Variants in TNNI3K observed in about 807,000 individuals in gnomAD.
The protein encoded by TNNI3K is serine/threonine-protein kinase TNNI3K.
In TNNI3K, 140 loss-of-function variants were observed where a neutral mutation model predicts 114.5. That is an observed-to-expected ratio of 1.22 (90% CI 1.07 to 1.41). The LOEUF is 1.41. Among genes scored for constraint, TNNI3K ranks in the 40% most tolerant of loss-of-function variants. The probability of loss-of-function intolerance (pLI) is 0.00; values close to 1 mark genes in which losing one functional copy is unlikely to be tolerated. For synonymous variants in TNNI3K, 347 were observed against 347.5 expected (o/e 1.00, Z 0.02); for missense variants, 1,125 against 1,007.6 (o/e 1.12, Z -1.58).
intron 21 of TNNI3K, chr1:74,480,702 G>A: frequency 1.4e-6 from 1 of 717,400 alleles, no homozygotes; most frequent in Non-Finnish European, 2.6e-6. Flanking sequence ...AGGGTGCGGA[G>A]AGCATTATTG....
intron 5 of TNNI3K, among the ~76,000 whole-genome samples, chr1:74,327,916 A>G (rs1238961711): frequency 6.6e-6 from 1 of 151,372 alleles, no homozygotes. Flanking sequence ...TCATGACCAT[A>G]TAGTCTCACA....
intron 21 of TNNI3K, among the ~76,000 whole-genome samples, chr1:74,477,605 C>T (rs1480210966): frequency 1.3e-5 from 2 of 152,104 alleles, no homozygotes; most frequent in Admixed American, 1.3e-4. Context: ...TGAGAGTAAA[C>T]ATAATTTGAT....
chr1:74,475,755 T>C (rs1206638005), intron 21 of TNNI3K: 12 of 645,892 alleles, frequency 1.9e-5, no homozygotes, highest in Non-Finnish European at 3.1e-5. Flanking sequence ...TTGCTTTGCC[T>C]TGGTGGAGTT....
chr1:74,495,362 T>C (rs1273718048), intron 23 of TNNI3K, among the ~76,000 whole-genome samples: 2 of 152,228 alleles, frequency 1.3e-5, no homozygotes, highest in African/African-American at 4.8e-5. Flanking sequence ...GTATGTTCTA[T>C]TCATTACTGT....
In TNNI3K at chr1:74,317,823, T is replaced by G. The variant is rs115713083; in HGVS notation, c.445-13627T>G. 5.3e-3 allele frequency among the ~76,000 whole-genome samples: 807 copies of G among 152,342 alleles called. 11 individuals are homozygous for G. Among genetic ancestry groups the G allele is most frequent in the African/African-American group, 0.019 (782 of 41,574 alleles). ...GCACTGTTGCCACTAATTGTCTCTGTTGGTCCATTTCCCAATCAGTAGTAG... is the reference window on the plus strand; with the variant it reads ...GCACTGTTGCCACTAATTGTCTCTGGTGGTCCATTTCCCAATCAGTAGTAG... On this transcript the variant is annotated intron_variant, in intron 5 of 24. Transcript: ENST00000326637.
At position 74,369,201 on chromosome 1, in the gene TNNI3K, T is replaced by C. The variant is rs1160047645; in HGVS notation, c.1415-6T>C. 8.7e-6 allele frequency: 14 copies of C among 1,609,168 alleles called. No homozygotes were observed. The East Asian group carries it at 2.9e-4, about 33-fold the overall frequency. Reference sequence around the variant, plus strand: ...GTGTTTATTTATTTATTTTAAACAATTGTAGGTTCTTTTGGGAAAGTATAT... The same window carrying C: ...GTGTTTATTTATTTATTTTAAACAACTGTAGGTTCTTTTGGGAAAGTATAT... On this transcript the variant is annotated splice_polypyrimidine_tract_variant and splice_region_variant and intron_variant, in intron 14 of 24. Coordinates refer to ENST00000326637, the MANE Select transcript of TNNI3K (RefSeq NM_015978.3).
chr1:74,504,968 G>T (rs772954082), intron 23 of TNNI3K, among the ~76,000 whole-genome samples: 2 of 152,130 alleles, frequency 1.3e-5, no homozygotes, highest in Non-Finnish European at 2.9e-5. Context: ...CTAAATAAAT[G>T]GTGACAGATT....
intron 17 of TNNI3K, among the ~76,000 whole-genome samples, chr1:74,398,798 T>A (rs1377078985): frequency 6.6e-6 from 1 of 152,078 alleles, no homozygotes; most frequent in East Asian, 1.9e-4. Context: ...CCCCTTGTTA[T>A]CTCCCCTCTT....
intron 17 of TNNI3K, among the ~76,000 whole-genome samples, chr1:74,430,398 T>G (rs1013186948): frequency 7.2e-5 from 11 of 152,108 alleles, no homozygotes; most frequent in African/African-American, 2.7e-4. Flanking sequence ...AGAATTTAAC[T>G]TCCATTCACT....
At chr1:74,477,178 A>T (rs1373976030) in intron 21 of TNNI3K, among the ~76,000 whole-genome samples, 1 of 152,176 alleles carries the variant, frequency 6.6e-6, no homozygotes, top group African/African-American at 2.4e-5. Context: ...TATATTAAAA[A>T]ATTAAAAATT....
rs1342087848 is a variant in TNNI3K at position 74,416,662 on chromosome 1, TG to T, written c.1773-19417del. On this transcript the variant is annotated intron_variant, in intron 17 of 24. Coordinates refer to ENST00000326637, the MANE Select transcript of TNNI3K (RefSeq NM_015978.3). ...TGAAATTAGATACATGAATTTTAAT[TG>T]ATTTTTTTTCTTATTCTTACATTAA... The T allele has an allele frequency of 2.5e-5, 17 of 689,606 alleles. No individual in the cohort carries two copies. In the African/African-American group the frequency reaches 2.7e-4, roughly 11 times the overall value. 42.7% of individuals were successfully genotyped at this position (689,606 alleles called of 1,614,324 possible).
At chr1:74,326,026 TAGAGA>T (rs1659883076) in intron 5 of TNNI3K, among the ~76,000 whole-genome samples, 3 of 152,224 alleles carry the variant, frequency 2.0e-5, no homozygotes, top group African/African-American at 7.2e-5. Context: ...GACACAGGCA[TAGAGA>T]AGAGAAAATT....
chr1:74,249,032 A>G (rs1300786488), intron 2 of TNNI3K, among the ~76,000 whole-genome samples: 2 of 152,108 alleles, frequency 1.3e-5, no homozygotes, highest in Non-Finnish European at 2.9e-5. Context: ...ATATTTGACA[A>G]CAATTTTCTG....
chr1:74,520,336 C>T (rs549287417), intron 23 of TNNI3K, among the ~76,000 whole-genome samples: 11 of 152,178 alleles, frequency 7.2e-5, no homozygotes, highest in African/African-American at 7.2e-5. Flanking sequence ...ACCTCGCTTC[C>T]GACTTTTCTG....
chr1:74,454,755 T>C (rs1667161647), intron 20 of TNNI3K, among the ~76,000 whole-genome samples: 1 of 152,186 alleles, frequency 6.6e-6, no homozygotes, highest in Non-Finnish European at 1.5e-5. Context: ...TGCTGGATAA[T>C]ATGGTAGTAC....
chr1:74,499,915 A>G (rs1472831200), intron 23 of TNNI3K, among the ~76,000 whole-genome samples: 2 of 152,058 alleles, frequency 1.3e-5, no homozygotes, highest in African/African-American at 4.8e-5. Context: ...AATCGTTTGG[A>G]CTAATTGCAA....
At chr1:74,279,173 A>G (rs555240293) in intron 5 of TNNI3K, among the ~76,000 whole-genome samples, 2 of 152,302 alleles carry the variant, frequency 1.3e-5, no homozygotes, top group African/African-American at 4.8e-5. Context: ...TAAATGGGGT[A>G]TCTTCCTGAA....
chr1:74,534,135 G>A (rs1438771316), intron 23 of TNNI3K, among the ~76,000 whole-genome samples: 4 of 152,088 alleles, frequency 2.6e-5, no homozygotes, highest in South Asian at 2.1e-4. Context: ...GCAAGTATAA[G>A]CAATTATTAT....
At chr1:74,474,485 C>A (rs45575343) in intron 21 of TNNI3K, among the ~76,000 whole-genome samples, 2,401 of 152,040 alleles carry the variant, frequency 0.016, 68 homozygotes, top group African/African-American at 0.055. Flanking sequence ...AGGGCCAGAC[C>A]CCTGTGGTAA....
Sources: allele counts gnomAD v4.1 joint callset (sites outside exome capture counted in the v4.1 genomes callset), GRCh38; gene constraint gnomAD v4.1.1; transcripts MANE v1.5; gene names NCBI Gene and HGNC (gene_info 2026-07-23, HGNC 2026-07-21).